DGKI: variants seen among roughly 807,000 people sequenced by gnomAD.
DGKI encodes diacylglycerol kinase iota, also known as DAG kinase iota.
DGKI carries 55 observed loss-of-function variants against 147.5 expected under a neutral mutation model. The observed-to-expected ratio is 0.37, with a 90% CI of 0.30 to 0.47. The LOEUF is 0.47. Among genes scored for constraint, DGKI ranks in the 20% least tolerant of loss-of-function variants. The pLI, the probability that DGKI is intolerant of heterozygous loss-of-function variation, is 1.00. For synonymous variants in DGKI, 469 were observed against 477.1 expected, an observed-to-expected ratio of 0.98 and a Z score of 0.22; for missense variants, 1,007 against 1,323.8, an observed-to-expected ratio of 0.76 and a Z score of 3.71.
intron 6 of DGKI, among the ~76,000 whole-genome samples, chr7:137,624,335 A>C (rs768083472): frequency 2.6e-5 from 4 of 152,200 alleles, no homozygotes. Context: ...AAACCCAAAC[A>C]AAAAATTCAA....
chr7:137,500,692 A>G (rs975125252), intron 21 of DGKI, among the ~76,000 whole-genome samples: 1 of 152,170 alleles, frequency 6.6e-6, no homozygotes, highest in Admixed American at 6.5e-5. Context: ...AATGTTGTTA[A>G]AGGTTACAAT....
chr7:137,656,601 C>G, intron 3 of DGKI, 61 bp from the exon 4 acceptor site: 2 of 1,512,578 alleles, frequency 1.3e-6, no homozygotes, highest in Non-Finnish European at 1.8e-6. Context: ...GAAGAGTTCC[C>G]TAGTATTAAA....
chr7:137,710,572 G>C (rs1381906965), intron 1 of DGKI, among the ~76,000 whole-genome samples: 1 of 152,000 alleles, frequency 6.6e-6, no homozygotes, highest in Non-Finnish European at 1.5e-5. Context: ...TATCCTTATA[G>C]AAAAATTAAA....
chr7:137,596,030 A>AAG (rs1819784576), intron 12 of DGKI, among the ~76,000 whole-genome samples: 1 of 132,886 alleles, frequency 7.5e-6, no homozygotes, highest in African/African-American at 3.6e-5. Flanking sequence ...AAAAAAAAAA[A>AAG]AAAGAAAGAA....
At chr7:137,550,215 G>T (rs1474620975) in intron 20 of DGKI, among the ~76,000 whole-genome samples, 3 of 151,182 alleles carry the variant, frequency 2.0e-5, no homozygotes, top group African/African-American at 7.3e-5. Flanking sequence ...GCCCAGGCTG[G>T]AGTGCAGTGG....
intron 21 of DGKI, among the ~76,000 whole-genome samples, chr7:137,488,106 T>A (rs1815633467): frequency 6.6e-6 from 1 of 152,136 alleles, no homozygotes; most frequent in Non-Finnish European, 1.5e-5. Context: ...GCCGGGGGAA[T>A]TAAACATTGA....
chr7:137,784,694 A>G (rs1796614044), intron 1 of DGKI, among the ~76,000 whole-genome samples: 1 of 152,158 alleles, frequency 6.6e-6, no homozygotes, highest in Non-Finnish European at 1.5e-5. Context: ...AGCACATGGT[A>G]CATTCTCCAA....
intron 1 of DGKI, among the ~76,000 whole-genome samples, chr7:137,842,967 A>T (rs1419770507): frequency 1.3e-5 from 2 of 152,196 alleles, no homozygotes; most frequent in African/African-American, 4.8e-5. Flanking sequence ...CAAGCCTAAA[A>T]TAAATGTTTA....
At chr7:137,547,824 A>G (rs1817914803) in intron 20 of DGKI, among the ~76,000 whole-genome samples, 1 of 152,236 alleles carries the variant, frequency 6.6e-6, no homozygotes, top group South Asian at 2.1e-4. Context: ...AACAGCTAGA[A>G]GTAGACAGAA....
At chr7:137,693,463 A>C (rs1823680088) in intron 1 of DGKI, among the ~76,000 whole-genome samples, 1 of 152,256 alleles carries the variant, frequency 6.6e-6, no homozygotes, top group Non-Finnish European at 1.5e-5. Flanking sequence ...ATGCAGTTTC[A>C]ATAATACAAC....
intron 2 of DGKI, among the ~76,000 whole-genome samples, chr7:137,680,233 C>T (rs1031403357): frequency 1.3e-5 from 2 of 152,148 alleles, no homozygotes; most frequent in Non-Finnish European, 2.9e-5. Flanking sequence ...CTACCCAGGA[C>T]TGGAATCTGC....
At chr7:137,574,885 A>G (rs1818916910) in intron 17 of DGKI, among the ~76,000 whole-genome samples, 1 of 152,222 alleles carries the variant, frequency 6.6e-6, no homozygotes, top group Non-Finnish European at 1.5e-5. Context: ...TCTATGAGAC[A>G]TTACTAGCTA....
intron 1 of DGKI, among the ~76,000 whole-genome samples, chr7:137,822,863 AAAAAATTT>A (rs1797943931): frequency 6.6e-6 from 1 of 152,034 alleles, no homozygotes; most frequent in Non-Finnish European, 1.5e-5. Flanking sequence ...GTATGATCAC[AAAAAATTT>A]AAAAATCCAG....
chr7:137,418,556 T>C (rs1812445286), intron 28 of DGKI, among the ~76,000 whole-genome samples: 1 of 152,224 alleles, frequency 6.6e-6, no homozygotes, highest in Non-Finnish European at 1.5e-5. Context: ...ATAAAGCAAC[T>C]GAAATAACTA....
At chr7:137,642,970 G>GTGTGTA (rs1174777924) in intron 6 of DGKI, among the ~76,000 whole-genome samples, 1 of 150,698 alleles carries the variant, frequency 6.6e-6, no homozygotes, top group Non-Finnish European at 1.5e-5. Context: ...GTGTGTGTGT[G>GTGTGTA]TATGGGGGAT....
chr7:137,415,030 C>T (rs534788208), intron 28 of DGKI, among the ~76,000 whole-genome samples: 6 of 152,232 alleles, frequency 3.9e-5, no homozygotes, highest in African/African-American at 1.2e-4. Context: ...TATGGACCTT[C>T]AGAAGGAGCC....
chr7:137,395,471 C>CT (rs1811515199), intron 32 of DGKI, 127 bp downstream of exon 32: 1 of 803,962 alleles, frequency 1.2e-6, no homozygotes, highest in Non-Finnish European at 2.0e-6. Context: ...TTTTTTCCTC[C>CT]TTTTTCCAAA....
Position 137,846,752 on chromosome 7 carries a change from G to C in DGKI, c.111C>G (p.Cys37Trp). 9.8e-7 allele frequency: 1 copy of C among 1,019,620 alleles called. No homozygotes were observed. The highest frequency in any genetic ancestry group is 4.4e-5 in the South Asian group (1 of 22,494). 63.2% of individuals were successfully genotyped at this position (1,019,620 alleles called of 1,614,324 possible). ...AAAAASPPGPCSGAACAPSAA... is the reference protein window; with the variant it reads ...AAAAASPPGPWSGAACAPSAA... ...CGGAGGGAGCGCAGGCGGCGCCGCTGCAGGGGCCGGGCGGGCTGGCGGCGG... is the reference window on the plus strand; with the variant it reads ...CGGAGGGAGCGCAGGCGGCGCCGCTCCAGGGGCCGGGCGGGCTGGCGGCGG... Residue 37 changes from cysteine to tryptophan, a missense_variant, in exon 1 of 33, where the codon TGC (cysteine) becomes TGG (tryptophan). Cys to Trp is a radical substitution (Grantham distance 215, BLOSUM62 -2). Transcript: ENST00000614521. This position sits in a 1 kb window ranked among gnomAD's most constrained non-coding sequence, Gnocchi z 4.0.
chr7:137,757,219 G>GA (rs150911702), intron 1 of DGKI, among the ~76,000 whole-genome samples: 2,419 of 152,050 alleles, frequency 0.016, 53 homozygotes, highest in African/African-American at 0.055. Context: ...CCCACTTCAG[G>GA]AAAAATCTCT....
Sources: gnomAD v4.1 joint callset for allele counts (sites outside exome capture counted in the v4.1 genomes callset) on GRCh38, gnomAD v4.1.1 for gene constraint, Gnocchi (gnomAD v3.1) non-coding constraint, MANE v1.5 for transcripts, NCBI Gene and HGNC (gene_info 2026-07-23, HGNC 2026-07-21) for gene names.